The following CALN1 variants were observed in gnomAD, a reference collection of about 807,000 sequenced individuals.
CALN1 encodes calneuron 1.
A neutral mutation model predicts 30.6 loss-of-function variants in CALN1; 17 were observed. That is an observed-to-expected ratio of 0.56 (90% CI 0.38 to 0.83). The LOEUF is 0.83. CALN1 is among the 40% of genes least tolerant of loss of function. CALN1 has a pLI of 0.00. For synonymous variants in CALN1, 156 were observed against 131.4 expected (o/e 1.19, Z -1.28); for missense variants, 291 against 354.9 (o/e 0.82, Z 1.45).
At chr7:72,289,142 A>T (rs1194413965) in intron 2 of CALN1, among the ~76,000 whole-genome samples, 2 of 152,252 alleles carry the variant, frequency 1.3e-5, no homozygotes, top group Non-Finnish European at 1.5e-5. Flanking sequence ...TGAGAAATCT[A>T]TAGGTATACT....
intron 4 of CALN1, among the ~76,000 whole-genome samples, chr7:72,041,534 C>A (rs111308633): frequency 0.035 from 5,300 of 152,176 alleles, 304 homozygotes; most frequent in African/African-American, 0.12. Context: ...CAGGTGCACA[C>A]CACCATACTC....
chr7:72,368,713 C>A (rs533547557), intron 2 of CALN1, among the ~76,000 whole-genome samples: 51 of 151,636 alleles, frequency 3.4e-4, no homozygotes, highest in African/African-American at 1.2e-3. Flanking sequence ...TTACACAAGA[C>A]GACAAAGTGA....
intron 5 of CALN1, among the ~76,000 whole-genome samples, chr7:71,847,773 AAAG>A (rs373772692): frequency 0.33 from 46,976 of 144,526 alleles, 8,664 homozygotes; most frequent in Middle Eastern, 0.49. Context: ...GAAGAAGAAG[AAAG>A]AAGAAGAAGA....
At chr7:72,325,871 C>A (rs1457225759) in intron 2 of CALN1, among the ~76,000 whole-genome samples, 1 of 152,050 alleles carries the variant, frequency 6.6e-6, no homozygotes, top group Admixed American at 6.6e-5. Context: ...TGCCGCTTGA[C>A]ATCTGGGCAA....
chr7:72,305,496 T>C (rs957266374), intron 2 of CALN1, among the ~76,000 whole-genome samples: 3 of 152,200 alleles, frequency 2.0e-5, no homozygotes, highest in South Asian at 2.1e-4. Flanking sequence ...AAGTCCACCA[T>C]ACACTTCTAG....
intron 2 of CALN1, among the ~76,000 whole-genome samples, chr7:72,290,213 AG>A (rs1798386098): frequency 6.6e-6 from 1 of 150,614 alleles, no homozygotes. Flanking sequence ...AGCTAGCTCC[AG>A]CATGTCACTG....
intron 4 of CALN1, among the ~76,000 whole-genome samples, chr7:72,043,122 G>A (rs960599675): frequency 6.6e-6 from 1 of 152,166 alleles, no homozygotes; most frequent in African/African-American, 2.4e-5. Flanking sequence ...TCCAGATCTG[G>A]GATGTTTAAC....
chr7:71,784,977 A>G lies in CALN1; in HGVS notation c.*2798T>C, dbSNP rs1792908901. 1 of 397,504 alleles carries G rather than the reference A, an allele frequency of 2.5e-6. No individual in the cohort carries two copies. Among genetic ancestry groups the G allele is most frequent in the Non-Finnish European group, 4.4e-6 (1 of 225,714 alleles). The allele number at this position is 397,504 out of a possible 1,614,324, so 24.6% of individuals were successfully genotyped here. A position where few individuals can be genotyped will look rare whatever the true frequency, so the allele number is the denominator to read the frequency against. On this transcript the variant is annotated 3_prime_UTR_variant, in exon 7 of 7. Coordinates refer to ENST00000395275, the MANE Select transcript of CALN1 (RefSeq NM_031468.4). ...TGACAAGGAAGGCTTCCCTATACCC[A>G]AGACAAACTGTCCAAGCAAAGCAGC...
At chr7:72,248,451 C>A (rs1053512915) in intron 3 of CALN1, among the ~76,000 whole-genome samples, 3 of 152,116 alleles carry the variant, frequency 2.0e-5, no homozygotes, top group African/African-American at 7.2e-5. Flanking sequence ...GCTCATGGCC[C>A]CTTCCACCAT....
chr7:72,377,260 T>A (rs1381246803), intron 2 of CALN1, among the ~76,000 whole-genome samples: 1 of 152,190 alleles, frequency 6.6e-6, no homozygotes, highest in African/African-American at 2.4e-5. Context: ...AGTCTGCAGG[T>A]CAATTTGGGG....
intron 6 of CALN1, among the ~76,000 whole-genome samples, chr7:71,798,279 CT>C (rs1332335049): frequency 6.6e-6 from 1 of 151,410 alleles, no homozygotes; most frequent in African/African-American, 2.4e-5. Context: ...TCTTGGTTGG[CT>C]TTCTTTTATT....
intron 5 of CALN1, among the ~76,000 whole-genome samples, chr7:71,986,964 T>A (rs1455514403): frequency 1.3e-5 from 2 of 151,974 alleles, no homozygotes; most frequent in Non-Finnish European, 2.9e-5. Context: ...ACCGTCTCTA[T>A]TAAAATTACA....
Position 72,433,195 on chromosome 7 carries a change from G to A in CALN1, c.-226+13847C>T, listed in dbSNP as rs149193649. 1.2e-3 allele frequency among the ~76,000 whole-genome samples: 189 copies of A among 152,170 alleles called. 1 individual carries two copies. Among genetic ancestry groups the A allele is most frequent in the African/African-American group, 4.0e-3 (168 of 41,518 alleles). On this transcript the variant is annotated intron_variant, in intron 1 of 6. Transcript: ENST00000395276. ...TGGAGAAGTCTTTGAGATATTGATCGCCCTCCAGCAGCCCCCTGACCAGGT... is the reference window on the plus strand; with the variant it reads ...TGGAGAAGTCTTTGAGATATTGATCACCCTCCAGCAGCCCCCTGACCAGGT...
chr7:72,077,376 C>T (rs560766465), intron 4 of CALN1, among the ~76,000 whole-genome samples: 13 of 152,274 alleles, frequency 8.5e-5, no homozygotes, highest in African/African-American at 2.4e-4. Flanking sequence ...TGGGTTCAAG[C>T]GATTCTCCTG....
intron 2 of CALN1, among the ~76,000 whole-genome samples, chr7:72,384,120 G>C (rs900331105): frequency 6.6e-6 from 1 of 152,188 alleles, no homozygotes; most frequent in Non-Finnish European, 1.5e-5. Flanking sequence ...GGAGGAAGGA[G>C]GCGGCAAAAT....
At chr7:72,042,099 A>C (rs1802167143) in intron 4 of CALN1, among the ~76,000 whole-genome samples, 2 of 152,178 alleles carry the variant, frequency 1.3e-5, no homozygotes, top group Non-Finnish European at 2.9e-5. Context: ...AAAGGGACTT[A>C]GCAGTAGCAA....
chr7:72,471,027 C>T, the CALN1 span, among the ~76,000 whole-genome samples: 1 of 152,106 alleles, frequency 6.6e-6, no homozygotes, highest in African/African-American at 2.4e-5. Flanking sequence ...GCAATCTTGG[C>T]TCACTGCAGC....
At chr7:72,169,090 GCCA>G (rs1255116211) in intron 3 of CALN1, among the ~76,000 whole-genome samples, 2 of 149,936 alleles carry the variant, frequency 1.3e-5, no homozygotes, top group Non-Finnish European at 3.0e-5. Flanking sequence ...TCAGGCATGA[GCCA>G]CCACATCTAG....
chr7:72,194,336 G>C (rs1255007670), intron 3 of CALN1, among the ~76,000 whole-genome samples: 1 of 152,096 alleles, frequency 6.6e-6, no homozygotes, highest in Non-Finnish European at 1.5e-5. Context: ...TGGGAGGTCA[G>C]CCTGGCCAAC....
Sources: gnomAD v4.1 joint callset for allele counts (sites outside exome capture counted in the v4.1 genomes callset) on GRCh38, gnomAD v4.1.1 for gene constraint, MANE v1.5 for transcripts, NCBI Gene and HGNC (gene_info 2026-07-23, HGNC 2026-07-21) for gene names.